The following CTSO variants were observed in gnomAD, a reference collection of about 807,000 sequenced individuals.
CTSO encodes the protein cathepsin O.
A neutral mutation model predicts 42.4 loss-of-function variants in CTSO; 40 were observed. The observed-to-expected ratio is 0.94, with a 90% CI of 0.73 to 1.23. The LOEUF (loss-of-function observed/expected upper bound fraction) is 1.23. CTSO is among the 50% of genes most tolerant of loss of function. CTSO has a pLI of 0.00. For missense variants in CTSO, 441 were observed against 396.0 expected (o/e 1.11, Z -0.96); for synonymous variants, 156 against 146.2 (o/e 1.07, Z -0.48).
chr4:155,929,699 T>C lies in CTSO; in HGVS notation c.681A>G (p.Gln227=), dbSNP rs763504643. ...GAAGTGCTTTTGCCATTTCATCTTC[T>C]TGGTCACTACCAAAAGAGGAAATAT... ...KGYSAYDFSD[Q]EDEMAKALLT... is the part of the protein sequence containing the mutation. The change falls in exon 6 of 8, where the codon CAA becomes CAG. Residue 227 remains glutamine, a synonymous_variant. Coordinates refer to ENST00000433477, the MANE Select transcript of CTSO (RefSeq NM_001334.3). 1.2e-5 allele frequency: 19 copies of C among 1,608,854 alleles called. No individual in the cohort carries two copies. The South Asian group carries it at 2.0e-4, about 17-fold the overall frequency.
chr4:155,937,153 C>A (rs1391700803), intron 5 of CTSO, among the ~76,000 whole-genome samples: 1 of 152,024 alleles, frequency 6.6e-6, no homozygotes, highest in Non-Finnish European at 1.5e-5. Flanking sequence ...TTTTTCATTT[C>A]TATCGTAATG....
At chr4:155,947,530 A>T (rs1743570835) in intron 1 of CTSO, among the ~76,000 whole-genome samples, 1 of 152,370 alleles carries the variant, frequency 6.6e-6, no homozygotes, top group Non-Finnish European at 1.5e-5. Context: ...TAATACTATC[A>T]GTATATCCAA....
Position 155,937,383 on chromosome 4 carries a change from C to G in CTSO, c.653G>C (p.Gly218Ala), listed in dbSNP as rs752972814. Residue 218 changes from glycine to alanine, a missense_variant, in exon 5 of 8, where the codon GGT becomes GCT. Physicochemically the swap from Gly to Ala is moderately conservative, Grantham distance 60 (BLOSUM62 0). Transcript: ENST00000433477. Reference sequence around the variant, plus strand: ...TTACCTGAAGTCATATGCAGAATAACCTTTGATTGAAAATCCAGAATGTGA... The same window carrying G: ...TTACCTGAAGTCATATGCAGAATAAGCTTTGATTGAAAATCCAGAATGTGA... ...SGSHSGFSIK[G>A]YSAYDFSDQE... 1 of 1,608,816 alleles carries G rather than the reference C, an allele frequency of 6.2e-7. No individual in the cohort carries two copies. Among genetic ancestry groups the G allele is most frequent in the East Asian group, 2.2e-5 (1 of 44,804 alleles).
intron 6 of CTSO, among the ~76,000 whole-genome samples, chr4:155,929,284 G>A (rs185231381): frequency 6.6e-6 from 1 of 152,308 alleles, no homozygotes; most frequent in Non-Finnish European, 1.5e-5. Flanking sequence ...TCTGAAGGCT[G>A]TGAGACCCCT....
intron 7 of CTSO, among the ~76,000 whole-genome samples, chr4:155,927,570 C>T (rs748881871): frequency 2.0e-5 from 3 of 152,088 alleles, no homozygotes; most frequent in Non-Finnish European, 4.4e-5. Flanking sequence ...GAGATTGAGA[C>T]CATCCTGGCT....
At chr4:155,928,244 C>T in intron 7 of CTSO, 92 bp downstream of exon 7, 2 of 832,404 alleles carry the variant, frequency 2.4e-6, no homozygotes, top group South Asian at 2.8e-5. Context: ...ATTATTACTG[C>T]TAAAGTGGTT....
intron 7 of CTSO, among the ~76,000 whole-genome samples, chr4:155,926,797 G>C (rs137962513): frequency 3.9e-4 from 59 of 152,268 alleles, no homozygotes; most frequent in African/African-American, 1.3e-3. Context: ...TAGTAGCTGA[G>C]GGATGGAGAA....
chr4:155,942,275 C>A, intron 3 of CTSO, 42 bp downstream of exon 3: 1 of 1,494,482 alleles, frequency 6.7e-7, no homozygotes. Flanking sequence ...AGCTGCCTTT[C>A]AATGCTTAGA....
chr4:155,940,700 A>G (rs1743413802), intron 3 of CTSO, among the ~76,000 whole-genome samples: 1 of 152,098 alleles, frequency 6.6e-6, no homozygotes, highest in African/African-American at 2.4e-5. Flanking sequence ...AAAATTAGCC[A>G]GGCATGGTGG....
At chr4:155,953,681 G>A (rs2292538) in intron 1 of CTSO, 32 bp downstream of exon 1, 421,915 of 1,254,396 alleles carry the variant, frequency 0.34, 71,892 homozygotes, top group African/African-American at 0.44. Context: ...GAGGGAGCAG[G>A]GACAGATCCC....
At chr4:155,936,026 C>T (rs747740546) in intron 5 of CTSO, among the ~76,000 whole-genome samples, 2 of 151,958 alleles carry the variant, frequency 1.3e-5, no homozygotes, top group Non-Finnish European at 2.9e-5. Flanking sequence ...AAGGGATTCC[C>T]TTAATCCCTT....
chr4:155,945,128 G>C (rs1173207469), intron 1 of CTSO, among the ~76,000 whole-genome samples: 1 of 151,638 alleles, frequency 6.6e-6, no homozygotes, highest in African/African-American at 2.4e-5. Context: ...GTGGTGGTGG[G>C]CGCCTATAAT....
intron 1 of CTSO, among the ~76,000 whole-genome samples, chr4:155,950,885 T>C (rs1743661315): frequency 6.6e-6 from 1 of 151,764 alleles, no homozygotes; most frequent in African/African-American, 2.4e-5. Context: ...AAAATTGTCT[T>C]CCATGAAACC....
intron 1 of CTSO, among the ~76,000 whole-genome samples, chr4:155,950,314 T>C (rs986587539): frequency 2.0e-5 from 3 of 152,248 alleles, no homozygotes; most frequent in Non-Finnish European, 4.4e-5. Context: ...TTTGTGTACA[T>C]TTCTTACAGG....
At position 155,933,319 on chromosome 4, in the gene CTSO, CT is replaced by C. The variant is rs1297395705; in HGVS notation, c.675-3615del. On this transcript the variant is annotated intron_variant, in intron 5 of 7. Transcript: ENST00000433477. ...CTTGCCGCCACCATGTAAGAAGTGC[CT>C]TTCTCCTCCCGCCATGATTCTGAGG... 4.6e-5 allele frequency among the ~76,000 whole-genome samples: 7 copies of C among 152,192 alleles called. 1 individual carries two copies. Among genetic ancestry groups the C allele is most frequent in the Middle Eastern group, 6.8e-3 (2 of 294 alleles).
At chr4:155,934,950 G>A (rs1206322189) in intron 5 of CTSO, among the ~76,000 whole-genome samples, 1 of 152,144 alleles carries the variant, frequency 6.6e-6, no homozygotes, top group Non-Finnish European at 1.5e-5. Flanking sequence ...GAAATGTGAA[G>A]ACATGAGATT....
intron 5 of CTSO, among the ~76,000 whole-genome samples, chr4:155,933,523 C>G (rs928984428): frequency 4.6e-5 from 7 of 152,130 alleles, no homozygotes; most frequent in East Asian, 3.9e-4. Context: ...AATAGGCAGA[C>G]AGTTGGAACA....
intron 1 of CTSO, among the ~76,000 whole-genome samples, chr4:155,946,393 T>C (rs1743547673): frequency 6.6e-6 from 1 of 152,224 alleles, no homozygotes; most frequent in Non-Finnish European, 1.5e-5. Context: ...TATTTATTTA[T>C]TTTAAATATT....
In CTSO at chr4:155,928,305, T is replaced by C. The variant is rs1308126326; in HGVS notation, c.931+31A>G. 7 of 1,456,460 alleles carry C rather than the reference T, an allele frequency of 4.8e-6. No homozygotes were observed. In the African/African-American group the frequency reaches 5.6e-5, roughly 12 times the overall value. 90.2% of individuals were successfully genotyped at this position (1,456,460 alleles called of 1,614,324 possible). A position where few individuals can be genotyped will look rare whatever the true frequency, so the allele number is the denominator to read the frequency against. The stretch of plus-strand genomic sequence containing the variant: ...TCAAATAATCTCCTTAATATTTATA[T>C]TGAGGTTTTAAACACAAACTCATGA... On this transcript the variant is annotated intron_variant, in intron 7 of 7. Transcript: ENST00000433477.
Sources: allele counts gnomAD v4.1 joint callset (sites outside exome capture counted in the v4.1 genomes callset), GRCh38; gene constraint gnomAD v4.1.1; transcripts MANE v1.5; gene names NCBI Gene and HGNC (gene_info 2026-07-23, HGNC 2026-07-21).